Variants in FKBP5 observed in about 807,000 individuals in gnomAD.
The protein encoded by FKBP5 is FKBP prolyl isomerase 5, also known as peptidyl-prolyl cis-trans isomerase FKBP5.
Under a neutral mutation model 50.5 loss-of-function variants are expected in FKBP5, and 23 were observed. That is an observed-to-expected ratio of 0.46 (90% CI 0.33 to 0.65). The LOEUF (loss-of-function observed/expected upper bound fraction) is 0.65. Ranked by LOEUF, FKBP5 falls within the 30% of genes least tolerant of loss-of-function variation. FKBP5 has a pLI of 0.02. For missense variants in FKBP5, 411 were observed against 553.1 expected (o/e 0.74, Z 2.58); for synonymous variants, 176 against 190.6 (o/e 0.92, Z 0.63).
At chr6:35,673,353 C>T (rs553508415) in intron 1 of FKBP5, among the ~76,000 whole-genome samples, 58 of 152,240 alleles carry the variant, frequency 3.8e-4, no homozygotes, top group African/African-American at 1.4e-3. Flanking sequence ...AGTTCAAGAC[C>T]AGCCTAGGCA....
rs116796504 is a variant in FKBP5 at position 35,611,053 on chromosome 6, C to T, written c.508+8043G>A. Among the ~76,000 whole-genome samples, 479 of 152,252 alleles carry T rather than the reference C, an allele frequency of 3.1e-3. 4 individuals carry two copies. The highest frequency in any genetic ancestry group is 7.6e-3 in the African/African-American group (316 of 41,544). On this transcript the variant is annotated intron_variant, in intron 5 of 10. Coordinates refer to ENST00000357266, the MANE Select transcript of FKBP5 (RefSeq NM_004117.4). Reference sequence around the variant, plus strand: ...CCAGATGACCATGAGCTTGGAGTTCCGCCTAAGCCTGTTGAGAAGAACAGT... The same window carrying T: ...CCAGATGACCATGAGCTTGGAGTTCTGCCTAAGCCTGTTGAGAAGAACAGT...
intron 2 of FKBP5, among the ~76,000 whole-genome samples, chr6:35,707,698 T>G (rs1766346409): frequency 6.6e-6 from 1 of 152,088 alleles, no homozygotes; most frequent in South Asian, 2.1e-4. Context: ...CTCCCTTCTC[T>G]CTCCTCCCAC....
chr6:35,619,291 A>T, intron 4 of FKBP5, 81 bp from the exon 5 acceptor site: 2 of 804,202 alleles, frequency 2.5e-6, no homozygotes, highest in Non-Finnish European at 4.1e-6. Flanking sequence ...GCAACCAATT[A>T]TTTCATTTTA....
chr6:35,605,893 C>G (rs1041808417), intron 5 of FKBP5, among the ~76,000 whole-genome samples: 1 of 152,180 alleles, frequency 6.6e-6, no homozygotes, highest in Non-Finnish European at 1.5e-5. Flanking sequence ...AGACGTCTAC[C>G]TCTCACCATA....
intron 1 of FKBP5, among the ~76,000 whole-genome samples, chr6:35,666,821 T>C (rs1033194386): frequency 2.6e-5 from 4 of 151,944 alleles, no homozygotes; most frequent in African/African-American, 9.7e-5. Flanking sequence ...CTCGGGAGGT[T>C]GCAGTAAGCC....
At chr6:35,609,473 G>T (rs1763427317) in intron 5 of FKBP5, among the ~76,000 whole-genome samples, 2 of 152,232 alleles carry the variant, frequency 1.3e-5, no homozygotes, top group South Asian at 4.2e-4. Context: ...TTTCTTGTAA[G>T]CTGCAGAATT....
At chr6:35,663,831 G>T (rs1024742244) in intron 1 of FKBP5, among the ~76,000 whole-genome samples, 16 of 152,190 alleles carry the variant, frequency 1.1e-4, no homozygotes, top group African/African-American at 3.9e-4. Flanking sequence ...TTCCTCCAGT[G>T]TATTTATAGT....
intron 1 of FKBP5, among the ~76,000 whole-genome samples, chr6:35,646,620 C>A (rs1182462899): frequency 1.3e-5 from 2 of 152,156 alleles, no homozygotes; most frequent in Non-Finnish European, 2.9e-5. Context: ...CACACTGAGA[C>A]AGTTTCACCA....
intron 2 of FKBP5, among the ~76,000 whole-genome samples, chr6:35,699,660 A>C (rs1020002520): frequency 6.6e-6 from 1 of 152,174 alleles, no homozygotes; most frequent in Non-Finnish European, 1.5e-5. Context: ...GCTGCTCTCG[A>C]TCTGAAGATC....
At chr6:35,587,250 C>T in intron 7 of FKBP5, 133 bp from the exon 8 acceptor site, 1 of 791,728 alleles carries the variant, frequency 1.3e-6, no homozygotes, top group South Asian at 1.6e-5. Flanking sequence ...AATTGTGTGT[C>T]AGTGCCAATT....
chr6:35,638,168 T>A (rs1203570901), intron 2 of FKBP5, among the ~76,000 whole-genome samples: 1 of 152,202 alleles, frequency 6.6e-6, no homozygotes, highest in Admixed American at 6.5e-5. Flanking sequence ...AACCCAGGTG[T>A]GTGATGGTGT....
intron 5 of FKBP5, among the ~76,000 whole-genome samples, chr6:35,611,289 G>T (rs571980578): frequency 6.6e-6 from 1 of 152,202 alleles, no homozygotes; most frequent in South Asian, 2.1e-4. Flanking sequence ...ATTTCAGTGA[G>T]ATTTGGAGAG....
intron 2 of FKBP5, among the ~76,000 whole-genome samples, chr6:35,713,478 C>T (rs1469134457): frequency 6.6e-6 from 1 of 152,170 alleles, no homozygotes. Flanking sequence ...TAGACACTAC[C>T]ACCCTTTGAC....
chr6:35,577,016 T>G lies in FKBP5; in HGVS notation c.1244A>C (p.Lys415Thr). The G allele has an allele frequency of 1.2e-6, 2 of 1,614,142 alleles. No individual in the cohort carries two copies. The highest frequency in any genetic ancestry group is 1.7e-6 in the Non-Finnish European group (2 of 1,180,024). Residue 415 changes from lysine (K) to threonine (T), a missense_variant, in exon 10 of 11, where the codon AAG becomes ACG. By Grantham distance (78) the Lys-to-Thr change is moderately conservative. Around this residue, in one of 3 missense-constraint regions of FKBP5, gnomAD observed 88 missense variants for 89.0 expected, o/e 0.99. Coordinates refer to ENST00000357266, the MANE Select transcript of FKBP5 (RefSeq NM_004117.4). ...DRRIYANMFK[K>T]FAEQDAKEEA... is the part of the protein sequence containing the mutation. The stretch of plus-strand genomic sequence containing the variant: ...CACCTTGGCATCCTGCTCTGCAAAC[T>G]TCTTGAACATGTTGGCGTATATCCT...
intron 9 of FKBP5, among the ~76,000 whole-genome samples, chr6:35,579,045 G>C (rs1762329692): frequency 6.6e-6 from 1 of 152,086 alleles, no homozygotes. Flanking sequence ...GGGCCCCAGA[G>C]TTTGAGGCTG....
chr6:35,585,926 A>C (rs541228825), intron 8 of FKBP5: 1 of 984,786 alleles, frequency 1.0e-6, no homozygotes, highest in East Asian at 1.1e-4. Context: ...ATTTGGATTA[A>C]CATTGCCACT....
intron 6 of FKBP5, among the ~76,000 whole-genome samples, chr6:35,593,226 A>C (rs779420400): frequency 5.9e-5 from 9 of 152,156 alleles, no homozygotes; most frequent in Non-Finnish European, 1.0e-4. Flanking sequence ...GAATCCCAAG[A>C]CCTAACCAAA....
intron 2 of FKBP5, among the ~76,000 whole-genome samples, chr6:35,714,814 C>CAA (rs113161701): frequency 0.047 from 6,562 of 138,784 alleles, 457 homozygotes; most frequent in African/African-American, 0.15. Context: ...AACTCTGTCT[C>CAA]AAAAAAAAAA....
chr6:35,674,671 T>G (rs1765480644), intron 1 of FKBP5, among the ~76,000 whole-genome samples: 1 of 152,240 alleles, frequency 6.6e-6, no homozygotes. Context: ...TTAACTCATT[T>G]AATTCTCTCA....
Sources: allele counts gnomAD v4.1 joint callset (sites outside exome capture counted in the v4.1 genomes callset), GRCh38; gene constraint gnomAD v4.1.1; regional missense constraint gnomAD v4.1.1; transcripts MANE v1.5; gene names NCBI Gene and HGNC (gene_info 2026-07-23, HGNC 2026-07-21).